Variants in IGSF11 observed in about 807,000 individuals in gnomAD.
IGSF11 encodes the protein CXADR like 1.
In IGSF11, 22 loss-of-function variants were observed where a neutral mutation model predicts 41.0. The observed-to-expected ratio is 0.54, with a 90% CI of 0.38 to 0.77. IGSF11 has a LOEUF of 0.77. IGSF11 is among the 30% of genes least tolerant of loss of function. IGSF11 has a pLI of 0.00. For missense variants in IGSF11, 444 were observed against 530.8 expected, an observed-to-expected ratio of 0.84 and a Z score of 1.61; for synonymous variants, 219 against 201.3, an observed-to-expected ratio of 1.09 and a Z score of -0.74.
rs567006010 is a variant in IGSF11 at position 119,074,411 on chromosome 3, CT to C, written c.49+30732del. ...AATTAAACAATCTGCTCCTGAATGA[CT>C]TTTGGGTAAACAATAAAATTAATGC... is the stretch of plus-strand genomic sequence containing the variant. On this transcript the variant is annotated intron_variant, in intron 1 of 6. Transcript: ENST00000354673. Among the ~76,000 whole-genome samples, 6 of 152,174 alleles carry C rather than the reference CT, an allele frequency of 3.9e-5. No homozygotes were observed. The East Asian group carries it at 1.2e-3, about 29-fold the overall frequency.
intron 1 of IGSF11, among the ~76,000 whole-genome samples, chr3:119,002,193 G>C (rs1468572259): frequency 7.4e-6 from 1 of 135,192 alleles, no homozygotes; most frequent in Non-Finnish European, 1.5e-5. Context: ...ATCTCATAGT[G>C]GTTTTGATTT....
rs1281713680 is a variant in IGSF11 at position 118,902,932 on chromosome 3, G to A, written c.884C>T (p.Ser295Phe). ...AATCTCAGTGTGAAATGCTTTGGCA[G>A]AAGAACACTTGGGTGGAAGATCATC... Reference protein sequence around the residue: ...REDDLPPKCSSAKAFHTEISS... With the variant: ...REDDLPPKCSFAKAFHTEISS... Residue 295 changes from serine to phenylalanine, a missense_variant, in exon 7 of 7, where the codon TCT (serine) becomes TTT (phenylalanine). Physicochemically the swap from Ser to Phe is radical, Grantham distance 155. Coordinates refer to ENST00000393775, the MANE Select transcript of IGSF11 (RefSeq NM_001015887.3). 2.5e-6 allele frequency: 4 copies of A among 1,613,956 alleles called. No individual in the cohort carries two copies. Among genetic ancestry groups the A allele is most frequent in the Non-Finnish European group, 3.4e-6 (4 of 1,179,860 alleles).
intron 1 of IGSF11, among the ~76,000 whole-genome samples, chr3:119,083,976 G>A (rs2076629646): frequency 6.6e-6 from 1 of 152,114 alleles, no homozygotes; most frequent in South Asian, 2.1e-4. Flanking sequence ...TATTGCCCAA[G>A]GACCTTCCAG....
At chr3:119,059,154 T>G (rs966741956) in intron 1 of IGSF11, among the ~76,000 whole-genome samples, 2 of 100,292 alleles carry the variant, frequency 2.0e-5, no homozygotes, top group African/African-American at 7.9e-5. Flanking sequence ...AGAAAGAAAA[T>G]GTAGTGTGTG....
chr3:118,920,421 A>G (rs1941661820), intron 4 of IGSF11, among the ~76,000 whole-genome samples: 2 of 152,026 alleles, frequency 1.3e-5, no homozygotes, highest in East Asian at 3.8e-4. Context: ...CAATGATTTC[A>G]GAGGACAGAA....
intron 1 of IGSF11, among the ~76,000 whole-genome samples, chr3:119,051,061 G>A (rs1183547348): frequency 6.6e-6 from 1 of 151,344 alleles, no homozygotes; most frequent in Non-Finnish European, 1.5e-5. Flanking sequence ...ACGAGTTAGT[G>A]GGTGCAGCAC....
intron 1 of IGSF11, among the ~76,000 whole-genome samples, chr3:119,074,206 G>T (rs558103816): frequency 4.6e-5 from 7 of 152,196 alleles, no homozygotes; most frequent in African/African-American, 1.7e-4. Flanking sequence ...AACAACAACA[G>T]AATATACATT....
chr3:118,960,806 C>T (rs1945289782), intron 1 of IGSF11, among the ~76,000 whole-genome samples: 1 of 152,104 alleles, frequency 6.6e-6, no homozygotes, highest in Admixed American at 6.5e-5. Flanking sequence ...TACAAATTTA[C>T]TTTTGAAACA....
At chr3:118,938,289 G>A (rs1943430546) in intron 1 of IGSF11, among the ~76,000 whole-genome samples, 1 of 152,052 alleles carries the variant, frequency 6.6e-6, no homozygotes, top group Non-Finnish European at 1.5e-5. Flanking sequence ...ATCCCCTTTT[G>A]GGGGGCATTT....
At chr3:119,024,647 T>C (rs1304490265) in intron 1 of IGSF11, among the ~76,000 whole-genome samples, 1 of 152,186 alleles carries the variant, frequency 6.6e-6, no homozygotes, top group African/African-American at 2.4e-5. Context: ...AGTTTAAGTA[T>C]CACTATATCC....
intron 4 of IGSF11, among the ~76,000 whole-genome samples, chr3:118,923,843 A>C (rs1325245954): frequency 1.3e-5 from 2 of 152,198 alleles, no homozygotes; most frequent in African/African-American, 4.8e-5. Context: ...CAGTACATAT[A>C]TTAGGAGGTA....
chr3:118,916,065 T>C (rs1044489374), intron 4 of IGSF11, among the ~76,000 whole-genome samples: 9 of 149,730 alleles, frequency 6.0e-5, no homozygotes, highest in African/African-American at 1.5e-4. Flanking sequence ...CTGAGAGATT[T>C]TGTCACCACC....
chr3:118,986,131 G>A (rs917665946), intron 1 of IGSF11, among the ~76,000 whole-genome samples: 12 of 152,078 alleles, frequency 7.9e-5, no homozygotes, highest in Admixed American at 3.9e-4. Context: ...CCTGGAATGT[G>A]CGCCCTCTCT....
rs568797217 is a variant in IGSF11, at chr3:118,904,629, A to T, written c.854+19T>A. 3 of 1,582,366 alleles carry T rather than the reference A, an allele frequency of 1.9e-6. No individual in the cohort carries two copies. The highest frequency in any genetic ancestry group is 1.1e-5 in the South Asian group (1 of 88,424). On this transcript the variant is annotated intron_variant, in intron 6 of 6. Coordinates refer to ENST00000393775, the MANE Select transcript of IGSF11 (RefSeq NM_001015887.3). ...ACAATGGCTATGCAGGACAAATTTT[A>T]AAAATCTGACATACAAACCTTATTT...
At chr3:119,110,985 T>G (rs1355622456) in intron 1 of IGSF11, among the ~76,000 whole-genome samples, 1 of 151,942 alleles carries the variant, frequency 6.6e-6, no homozygotes, top group Non-Finnish European at 1.5e-5. Flanking sequence ...GGCTTCCCTT[T>G]GTGGGTAACC....
At chr3:119,024,568 T>C (rs1412512016) in intron 1 of IGSF11, among the ~76,000 whole-genome samples, 1 of 152,172 alleles carries the variant, frequency 6.6e-6, no homozygotes, top group African/African-American at 2.4e-5. Flanking sequence ...GGCAACACTA[T>C]TGATGATATA....
intron 1 of IGSF11, among the ~76,000 whole-genome samples, chr3:119,074,847 G>A (rs533231366): frequency 4.0e-5 from 6 of 151,856 alleles, no homozygotes; most frequent in East Asian, 1.9e-4. Flanking sequence ...GCGAGACTCC[G>A]TCTCAAAAAA....
chr3:119,024,001 T>C (rs39688), intron 1 of IGSF11, among the ~76,000 whole-genome samples: 89,274 of 151,924 alleles, frequency 0.59, 26,361 homozygotes, highest in South Asian at 0.66. Flanking sequence ...AAGGACATTA[T>C]GGAATTAAAG....
chr3:119,062,876 A>G (rs891792886), intron 1 of IGSF11, among the ~76,000 whole-genome samples: 8 of 151,978 alleles, frequency 5.3e-5, no homozygotes, highest in Admixed American at 1.3e-4. Context: ...GAAGGATTTA[A>G]CCCTCTAACT....
Sources: gnomAD v4.1 joint callset for allele counts (sites outside exome capture counted in the v4.1 genomes callset) on GRCh38, gnomAD v4.1.1 for gene constraint, MANE v1.5 for transcripts, NCBI Gene and HGNC (gene_info 2026-07-23, HGNC 2026-07-21) for gene names.